Variants in PLBD1 observed in about 807,000 individuals in gnomAD.
PLBD1 encodes lysosomal leucine aminopeptidase.
PLBD1 carries 60 observed loss-of-function variants against 63.0 expected under a neutral mutation model. The ratio of observed to expected loss-of-function variants is 0.95; its 90% CI spans 0.77 to 1.18. The LOEUF (loss-of-function observed/expected upper bound fraction) is 1.18, where lower values mean the gene tolerates loss of function less well. Ranked by LOEUF, PLBD1 falls within the 50% of genes most tolerant of loss-of-function variation. The pLI, the probability that PLBD1 is intolerant of heterozygous loss-of-function variation, is 0.00. For missense variants in PLBD1, 598 were observed against 677.9 expected, an observed-to-expected ratio of 0.88 and a Z score of 1.31; for synonymous variants, 262 against 248.0, an observed-to-expected ratio of 1.06 and a Z score of -0.53.
In PLBD1 at chr12:14,511,594, A is replaced by C; in HGVS notation, c.962T>G (p.Leu321Arg). 6.2e-7 allele frequency: 1 copy of C among 1,614,232 alleles called. No homozygotes were observed. The highest frequency in any genetic ancestry group is 8.5e-7 in the Non-Finnish European group (1 of 1,180,040). Residue 321 changes from leucine (L) to arginine (R), a missense_variant, in exon 7 of 11, where the codon CTG (leucine) becomes CGG (arginine). Transcript: ENST00000240617. ...LLKQVIPETL[L>R]SWQRVRVANM... is the part of the protein sequence containing the mutation. ...GGCCACACGGACTCTTTGCCAGGAC[A>C]GGAGAGTCTCGGGTATTACCTGCTT... is the stretch of plus-strand genomic sequence containing the variant.
At chr12:14,531,997 G>A (rs1030729988) in intron 6 of PLBD1, among the ~76,000 whole-genome samples, 4 of 152,148 alleles carry the variant, frequency 2.6e-5, no homozygotes, top group African/African-American at 9.7e-5. Context: ...AAAAGCCCCA[G>A]GAAAATTTAA....
chr12:14,506,862 T>G lies in PLBD1; in HGVS notation c.1372+71A>C, dbSNP rs575820960. 1.6e-4 allele frequency: 226 copies of G among 1,379,960 alleles called. 3 individuals carry two copies. Among genetic ancestry groups the G allele is most frequent in the Middle Eastern group, 9.2e-4 (5 of 5,448 alleles). The allele number at this position is 1,379,960 out of a possible 1,614,324, so 85.5% of individuals were successfully genotyped here. ...CCTTCTAGTACAGAGATGATAAACT[T>G]ACATGGATTCTGTATCCATAGGGAA... On this transcript the variant is annotated intron_variant, in intron 9 of 10. Transcript: ENST00000240617.
rs147665717 is a variant in PLBD1 at position 14,540,176 on chromosome 12, A to G, written c.558+588T>C. 4.2e-5 allele frequency among the ~76,000 whole-genome samples: 6 copies of G among 143,272 alleles called. 1 individual carries two copies. The East Asian group carries it at 1.3e-3, about 30-fold the overall frequency. The allele number at this position is 143,272 out of a possible 152,430, so 94.0% of individuals were successfully genotyped here. On this transcript the variant is annotated intron_variant, in intron 4 of 10. Transcript: ENST00000240617. ...CATAATAAATGTAACATGTTATATA[A>G]TATACAGATTATATACATATATACT...
chr12:14,505,227 T>C (rs560074233), intron 10 of PLBD1, among the ~76,000 whole-genome samples: 1 of 152,196 alleles, frequency 6.6e-6, no homozygotes, highest in South Asian at 2.1e-4. Flanking sequence ...ATTTCCTGTT[T>C]AGGTATTAGG....
At chr12:14,555,470 G>A (rs1945695596) in intron 1 of PLBD1, among the ~76,000 whole-genome samples, 1 of 152,220 alleles carries the variant, frequency 6.6e-6, no homozygotes, top group South Asian at 2.1e-4. Context: ...CCGGGAGGCA[G>A]AGGTTGCTGT....
chr12:14,540,053 T>TACACACACACAC (rs1295213414), intron 4 of PLBD1, among the ~76,000 whole-genome samples: 29 of 87,348 alleles, frequency 3.3e-4, no homozygotes, highest in Non-Finnish European at 4.5e-4. Context: ...TATATATATA[T>TACACACACACAC]ACACACACAC....
chr12:14,565,545 A>G (rs1044013182), intron 1 of PLBD1, among the ~76,000 whole-genome samples: 6 of 152,216 alleles, frequency 3.9e-5, no homozygotes, highest in African/African-American at 1.2e-4. Context: ...GAGTGGATAT[A>G]AAATCCATTC....
intron 1 of PLBD1, among the ~76,000 whole-genome samples, chr12:14,559,868 T>C (rs1489891612): frequency 1.3e-5 from 2 of 151,688 alleles, no homozygotes; most frequent in African/African-American, 4.8e-5. Context: ...TTTAATTTTT[T>C]TTTTTTTTGA....
intron 6 of PLBD1, among the ~76,000 whole-genome samples, chr12:14,531,386 TTAATGA>T (rs1239893916): frequency 1.3e-5 from 2 of 152,198 alleles, no homozygotes. Flanking sequence ...CACCATTTTC[TTAATGA>T]CTTTGCGACA....
intron 6 of PLBD1, among the ~76,000 whole-genome samples, chr12:14,515,062 T>TA (rs1007454231): frequency 2.0e-5 from 3 of 151,754 alleles, no homozygotes; most frequent in Non-Finnish European, 2.9e-5. Context: ...TTTCAAGACT[T>TA]AAAAAAAACA....
intron 6 of PLBD1, among the ~76,000 whole-genome samples, chr12:14,523,267 C>A (rs951815312): frequency 6.6e-6 from 1 of 151,860 alleles, no homozygotes; most frequent in African/African-American, 2.4e-5. Flanking sequence ...GCTACAAAAA[C>A]AAACACTTAA....
chr12:14,562,290 C>T (rs1055052659), intron 1 of PLBD1, among the ~76,000 whole-genome samples: 1 of 151,936 alleles, frequency 6.6e-6, no homozygotes, highest in Non-Finnish European at 1.5e-5. Context: ...AAACTCCCGT[C>T]TCTACTTAAA....
chr12:14,548,369 A>G (rs910582204), intron 2 of PLBD1, among the ~76,000 whole-genome samples: 6 of 150,900 alleles, frequency 4.0e-5, no homozygotes, highest in African/African-American at 1.5e-4. Flanking sequence ...AGCCTAGAGA[A>G]TCGCTTGAAC....
chr12:14,505,707 T>A (rs1945249296), intron 10 of PLBD1, among the ~76,000 whole-genome samples: 2 of 152,244 alleles, frequency 1.3e-5, no homozygotes. Context: ...CCAAACTTGC[T>A]CCTTCAGCTA....
In PLBD1 at chr12:14,551,232, G is replaced by A. The variant is rs144325278; in HGVS notation, c.335+1961C>T. ...ACAAAAATTAGCTGGGTATGGTGGC[G>A]CGTACCTGTAGTCCCAGCTACTAGG... On this transcript the variant is annotated intron_variant, in intron 2 of 10. Coordinates refer to ENST00000240617, the MANE Select transcript of PLBD1 (RefSeq NM_024829.6). 5.0e-3 allele frequency among the ~76,000 whole-genome samples: 765 copies of A among 151,580 alleles called. 8 individuals are homozygous for A. The highest frequency in any genetic ancestry group is 0.018 in the African/African-American group (739 of 41,294).
chr12:14,553,686 G>A, intron 1 of PLBD1: 5 of 502,596 alleles, frequency 9.9e-6, no homozygotes, highest in South Asian at 2.1e-5. Context: ...CATCCTTAGA[G>A]GGTGGGAATC....
intron 1 of PLBD1, among the ~76,000 whole-genome samples, chr12:14,555,178 C>T (rs1456703773): frequency 2.0e-5 from 3 of 152,180 alleles, no homozygotes; most frequent in Non-Finnish European, 4.4e-5. Context: ...ACCAGAGTAG[C>T]ACTTCTAAAA....
intron 6 of PLBD1, among the ~76,000 whole-genome samples, chr12:14,527,243 CT>C (rs1481764943): frequency 1.3e-5 from 2 of 151,972 alleles, no homozygotes; most frequent in Non-Finnish European, 2.9e-5. Context: ...TTGTGAAGGA[CT>C]TTTGGCAGGG....
At chr12:14,526,782 G>A (rs181964529) in intron 6 of PLBD1, among the ~76,000 whole-genome samples, 2 of 152,268 alleles carry the variant, frequency 1.3e-5, no homozygotes, top group Admixed American at 1.3e-4. Flanking sequence ...AGACCAGCTT[G>A]ACCAACATGA....
Sources: allele counts gnomAD v4.1 joint callset (sites outside exome capture counted in the v4.1 genomes callset), GRCh38; gene constraint gnomAD v4.1.1; transcripts MANE v1.5; gene names NCBI Gene and HGNC (gene_info 2026-07-23, HGNC 2026-07-21).